The following NAALADL2 variants were observed in gnomAD, a reference collection of about 807,000 sequenced individuals.
The protein encoded by NAALADL2 is N-acetylated alpha-linked acidic dipeptidase like 2.
Under a neutral mutation model 87.2 loss-of-function variants are expected in NAALADL2, and 76 were observed. The ratio of observed to expected loss-of-function variants is 0.87; its 90% confidence interval spans 0.72 to 1.05. The LOEUF (loss-of-function observed/expected upper bound fraction) is 1.05. NAALADL2 is among the 50% of genes least tolerant of loss of function. The pLI, the probability that NAALADL2 is intolerant of heterozygous loss-of-function variation, is 0.00. For synonymous variants in NAALADL2, 354 were observed against 331.0 expected, an observed-to-expected ratio of 1.07 and a Z score of -0.75; for missense variants, 1,089 against 945.8, an observed-to-expected ratio of 1.15 and a Z score of -1.99.
At chr3:175,391,974 A>AC (rs1225315095) in intron 5 of NAALADL2, among the ~76,000 whole-genome samples, 1 of 152,102 alleles carries the variant, frequency 6.6e-6, no homozygotes. Context: ...AATCATCGCA[A>AC]CCTCCCTATG....
intron 5 of NAALADL2, among the ~76,000 whole-genome samples, chr3:175,445,260 A>G (rs991179255): frequency 8.6e-5 from 13 of 152,034 alleles, no homozygotes; most frequent in African/African-American, 3.1e-4. Flanking sequence ...ACTTTTTTGT[A>G]CTTGTGTTAT....
intron 1 of NAALADL2, among the ~76,000 whole-genome samples, chr3:174,997,443 A>T (rs1472848525): frequency 6.6e-6 from 1 of 152,144 alleles, no homozygotes; most frequent in East Asian, 1.9e-4. Flanking sequence ...AATGGCAGAC[A>T]GGTAAAGACT....
intron 2 of NAALADL2, among the ~76,000 whole-genome samples, chr3:175,199,709 G>A (rs1739521176): frequency 6.7e-6 from 1 of 148,716 alleles, no homozygotes; most frequent in Non-Finnish European, 1.5e-5. Context: ...TTTACTCCTA[G>A]TTTCTCTATA....
chr3:175,424,056 A>T (rs1407527285), intron 5 of NAALADL2, among the ~76,000 whole-genome samples: 1 of 152,178 alleles, frequency 6.6e-6, no homozygotes, highest in Non-Finnish European at 1.5e-5. Flanking sequence ...TGGCTGCATA[A>T]ATGTCTTCTT....
intron 1 of NAALADL2, among the ~76,000 whole-genome samples, chr3:174,979,817 G>A (rs74493225): frequency 0.031 from 4,710 of 151,960 alleles, 111 homozygotes; most frequent in Non-Finnish European, 0.047. Flanking sequence ...AATATTTCTG[G>A]CATTTGGGAT....
intron 1 of NAALADL2, among the ~76,000 whole-genome samples, chr3:174,497,361 T>G (rs1051374234): frequency 5.3e-5 from 8 of 152,066 alleles, no homozygotes; most frequent in Non-Finnish European, 7.4e-5. Context: ...GTGCAGTGGC[T>G]CAAACCTATA....
chr3:175,512,592 TA>T lies in NAALADL2; in HGVS notation c.1653+40835del, dbSNP rs527340370. 3.3e-4 allele frequency among the ~76,000 whole-genome samples: 50 copies of T among 152,328 alleles called. 1 individual carries two copies. The South Asian group carries it at 9.9e-3, about 30-fold the overall frequency. ...GATAACAGATCTGCTTTTCCACGATTATTTTTATCATATGAAAGACACAAGA... is the reference window on the plus strand; with the variant it reads ...GATAACAGATCTGCTTTTCCACGATTTTTTTATCATATGAAAGACACAAGA... On this transcript the variant is annotated intron_variant, in intron 9 of 13. Coordinates refer to ENST00000454872, the MANE Select transcript of NAALADL2 (RefSeq NM_207015.3).
At chr3:174,804,133 C>G (rs1175598399) in intron 3 of NAALADL2, among the ~76,000 whole-genome samples, 1 of 152,036 alleles carries the variant, frequency 6.6e-6, no homozygotes, top group African/African-American at 2.4e-5. Flanking sequence ...TTTGTGTCCT[C>G]TTTTATTTTG....
chr3:174,864,711 T>A (rs60587545), intron 1 of NAALADL2, among the ~76,000 whole-genome samples: 98 of 152,216 alleles, frequency 6.4e-4, no homozygotes, highest in Non-Finnish European at 1.2e-3. Context: ...AGTATATAAA[T>A]GTAATTATTA....
chr3:174,874,696 T>G (rs189395284), intron 1 of NAALADL2, among the ~76,000 whole-genome samples: 7 of 152,150 alleles, frequency 4.6e-5, no homozygotes, highest in African/African-American at 1.7e-4. Flanking sequence ...CAAGGTATAT[T>G]TTTTTTGCTA....
intron 5 of NAALADL2, among the ~76,000 whole-genome samples, chr3:175,343,368 G>T (rs1762762384): frequency 6.6e-6 from 1 of 151,956 alleles, no homozygotes. Context: ...CACCTGTAAT[G>T]CATTTCCTTG....
At chr3:174,997,846 A>G (rs1038059222) in intron 1 of NAALADL2, among the ~76,000 whole-genome samples, 1 of 137,542 alleles carries the variant, frequency 7.3e-6, no homozygotes, top group Non-Finnish European at 1.5e-5. Context: ...CAACAACAAC[A>G]ACAACAACAA....
At chr3:174,998,288 C>A (rs1747798867) in intron 1 of NAALADL2, among the ~76,000 whole-genome samples, 1 of 152,166 alleles carries the variant, frequency 6.6e-6, no homozygotes, top group Non-Finnish European at 1.5e-5. Context: ...GTGATCTATT[C>A]ACTGGAAACT....
In NAALADL2 at chr3:175,629,752, C is replaced by A. The variant is rs1397786548; in HGVS notation, c.1896+2366C>A. On this transcript the variant is annotated intron_variant, in intron 11 of 13. Coordinates refer to ENST00000454872, the MANE Select transcript of NAALADL2 (RefSeq NM_207015.3). ...CAACTCCTGAGAACATGTCGGGAAG[C>A]AAGAATTGGTCAGAAATGGAGTACA... Among the ~76,000 whole-genome samples the A allele has an allele frequency of 2.6e-5, 4 of 151,796 alleles. No homozygotes were observed. In the East Asian group the frequency reaches 5.8e-4, roughly 22 times the overall value.
rs1751495091 is a variant in NAALADL2, at chr3:175,783,751, T to A, written c.2190-19254T>A. On this transcript the variant is annotated intron_variant, in intron 13 of 13. Transcript: ENST00000454872. ...CTTCCAACACTATGTTGAATAGGAG[T>A]GGTGAGACAGGGCATCCCTGTCTTG... 2.0e-5 allele frequency among the ~76,000 whole-genome samples: 3 copies of A among 150,840 alleles called. No homozygotes were observed. The South Asian group carries it at 6.2e-4, about 31-fold the overall frequency.
At chr3:175,593,432 C>A (rs895542061) in intron 10 of NAALADL2, among the ~76,000 whole-genome samples, 6 of 151,996 alleles carry the variant, frequency 3.9e-5, no homozygotes, top group African/African-American at 1.4e-4. Context: ...AACCATGAAA[C>A]AGGACAGTGA....
intron 1 of NAALADL2, among the ~76,000 whole-genome samples, chr3:175,052,380 T>TG (rs1042562552): frequency 1.4e-4 from 21 of 152,210 alleles, no homozygotes; most frequent in South Asian, 4.1e-4. Flanking sequence ...CCAGATTTTG[T>TG]GGGGGGGCCT....
chr3:174,698,484 A>C (rs1351515104), intron 2 of NAALADL2, among the ~76,000 whole-genome samples: 1 of 152,080 alleles, frequency 6.6e-6, no homozygotes, highest in Non-Finnish European at 1.5e-5. Context: ...ACTACAATAG[A>C]TCTGTCTTCT....
intron 11 of NAALADL2, among the ~76,000 whole-genome samples, chr3:175,717,561 G>A (rs952722647): frequency 6.6e-6 from 1 of 151,526 alleles, no homozygotes; most frequent in East Asian, 2.0e-4. Flanking sequence ...ACGTAGTGGC[G>A]CAGGCCTGTG....
Sources: allele counts gnomAD v4.1 joint callset (sites outside exome capture counted in the v4.1 genomes callset), GRCh38; gene constraint gnomAD v4.1.1; transcripts MANE v1.5; gene names NCBI Gene and HGNC (gene_info 2026-07-23, HGNC 2026-07-21).